Variants in LYST observed in about 807,000 individuals in gnomAD.
The protein encoded by LYST is lysosomal trafficking regulator, also known as lysosomal-trafficking regulator.
In LYST, 192 loss-of-function variants were observed where a neutral mutation model predicts 413.6. That is an observed-to-expected ratio of 0.46 (90% CI 0.41 to 0.52). The LOEUF (loss-of-function observed/expected upper bound fraction) is 0.52. Among genes scored for constraint, LYST ranks in the 20% least tolerant of loss-of-function variants. The pLI, the probability that LYST is intolerant of heterozygous loss-of-function variation, is 0.00. For synonymous variants in LYST, 1,525 were observed against 1,567.3 expected (o/e 0.97, Z 0.64); for missense variants, 3,815 against 4,499.9 (o/e 0.85, Z 4.35).
intron 48 of LYST, among the ~76,000 whole-genome samples, chr1:235,683,596 C>A (rs1422588723): frequency 1.1e-4 from 16 of 152,186 alleles, no homozygotes; most frequent in Admixed American, 1.0e-3. Context: ...GTTAGATATG[C>A]TTACTAGCTA....
Position 235,720,715 on chromosome 1 carries a change from A to G in LYST, c.9506T>C (p.Ile3169Thr). Residue 3169 changes from isoleucine (I) to threonine (T), a missense_variant, in exon 40 of 53, where the codon ATA becomes ACA. Around this residue, in one of 4 missense-constraint regions of LYST, gnomAD observed 866 missense variants for 1,156.0 expected, o/e 0.75. Transcript: ENST00000389793. ...TGTCTCACTAACGTAGTCAGCAAGT[A>G]TAAATGGGAACACAGGATACTGCAT... ...DLMQYPVFPF[I>T]LADYVSETLD... 1 of 1,613,840 alleles carries G rather than the reference A, an allele frequency of 6.2e-7. No individual in the cohort carries two copies. Among genetic ancestry groups the G allele is most frequent in the Non-Finnish European group, 8.5e-7 (1 of 1,179,706 alleles).
Position 235,841,609 on chromosome 1 carries a change from A to G in LYST, c.-97-7942T>C, listed in dbSNP as rs565859045. Among the ~76,000 whole-genome samples the G allele has an allele frequency of 2.0e-5, 3 of 152,332 alleles. No individual in the cohort carries two copies. In the East Asian group the frequency reaches 5.8e-4, roughly 29 times the overall value. On this transcript the variant is annotated intron_variant, in intron 1 of 52. Transcript: ENST00000389793. ...CAGCACAAGGGAAGATACTGAAGAC[A>G]GGGGCAAGAGAACGAATGAATGAAG...
chr1:235,837,603 G>A (rs1275618614), intron 1 of LYST, among the ~76,000 whole-genome samples: 1 of 149,118 alleles, frequency 6.7e-6, no homozygotes, highest in Non-Finnish European at 1.5e-5. Flanking sequence ...TACCAGCCTG[G>A]GTAAGAGTGA....
intron 3 of LYST, among the ~76,000 whole-genome samples, chr1:235,814,838 C>A (rs932730905): frequency 2.0e-5 from 3 of 152,160 alleles, no homozygotes; most frequent in Non-Finnish European, 4.4e-5. Context: ...CCCTTCACGG[C>A]AATGATTCCT....
intron 19 of LYST, among the ~76,000 whole-genome samples, chr1:235,773,043 G>A (rs1265095511): frequency 6.6e-6 from 1 of 152,164 alleles, no homozygotes; most frequent in African/African-American, 2.4e-5. Flanking sequence ...CTGGCTGGGG[G>A]TGGTGGCTCA....
intron 44 of LYST, among the ~76,000 whole-genome samples, chr1:235,703,849 C>T (rs904545087): frequency 9.2e-5 from 14 of 152,154 alleles, no homozygotes; most frequent in African/African-American, 3.4e-4. Flanking sequence ...CAGATGATTT[C>T]ATCACCCAGG....
intron 40 of LYST, among the ~76,000 whole-genome samples, chr1:235,717,654 T>A (rs984550508): frequency 1.3e-5 from 2 of 152,180 alleles, no homozygotes; most frequent in African/African-American, 4.8e-5. Context: ...CAGCAAGATT[T>A]GCCTACATTT....
In LYST at chr1:235,848,338, CAAT is replaced by C. The variant is rs1678126482; in HGVS notation, c.-97-14674_-97-14672del. Among the ~76,000 whole-genome samples the C allele has an allele frequency of 2.6e-5, 4 of 152,178 alleles. No individual in the cohort carries two copies. In the South Asian group the frequency reaches 8.3e-4, roughly 32 times the overall value. ...TTAAAAAATTCTTCGAACTGAATGA[CAAT>C]AATGACACAACCTATCAAAACCTCT... On this transcript the variant is annotated intron_variant, in intron 1 of 52. Coordinates refer to ENST00000389793, the MANE Select transcript of LYST (RefSeq NM_000081.4).
At position 235,768,698 on chromosome 1, in the gene LYST, A is replaced by G. The variant is rs12079600; in HGVS notation, c.5922+1462T>C. 7.7e-3 allele frequency among the ~76,000 whole-genome samples: 1,171 copies of G among 152,230 alleles called. 15 individuals carry two copies. Among genetic ancestry groups the G allele is most frequent in the African/African-American group, 0.027 (1,114 of 41,560 alleles). ...GGAAATCTCAAAGTTTATAAGTGCC[A>G]CTTTTCTGACATGCAAAGACTGAAT... On this transcript the variant is annotated intron_variant, in intron 20 of 52. Coordinates refer to ENST00000389793, the MANE Select transcript of LYST (RefSeq NM_000081.4).
At chr1:235,848,735 G>A (rs7522049) in intron 1 of LYST, among the ~76,000 whole-genome samples, 61,950 of 151,764 alleles carry the variant, frequency 0.41, 13,260 homozygotes, top group African/African-American at 0.49. Flanking sequence ...ATCATTCAAG[G>A]CTACTACGAA....
chr1:235,702,638 G>T, intron 45 of LYST, 109 bp downstream of exon 45: 1 of 908,964 alleles, frequency 1.1e-6, no homozygotes, highest in Non-Finnish European at 1.8e-6. Context: ...GCACTGACTG[G>T]CACACAGCTT....
chr1:235,768,082 C>A (rs1377949470), intron 20 of LYST, among the ~76,000 whole-genome samples: 1 of 151,452 alleles, frequency 6.6e-6, no homozygotes, highest in Non-Finnish European at 1.5e-5. Context: ...CACTACGTTT[C>A]TCTGTCTTGG....
At chr1:235,871,344 A>C (rs529632944), upstream of LYST, among the ~76,000 whole-genome samples, 103 of 152,368 alleles carry the variant, frequency 6.8e-4, no homozygotes, top group African/African-American at 2.4e-3. Flanking sequence ...GGATAAAAGC[A>C]AACCTGCTGT....
At position 235,791,706 on chromosome 1, in the gene LYST, A is replaced by G; in HGVS notation, c.4536T>C (p.Asp1512=). 1.2e-6 allele frequency: 2 copies of G among 1,610,218 alleles called. No homozygotes were observed. The highest frequency in any genetic ancestry group is 1.7e-6 in the Non-Finnish European group (2 of 1,177,350). The change falls in exon 12 of 53, where the codon GAT becomes GAC. Residue 1512 remains aspartate (D), a synonymous_variant. Transcript: ENST00000389793. The part of the protein sequence containing the change: ...KSLILPDSSF[D]GTESDRPEGA... ...ATAATCCTGTCATCATACCTGTACC[A>G]TCAAAACTGCTATCTGGTAAAATTA... is the stretch of plus-strand genomic sequence containing the variant.
intron 1 of LYST, among the ~76,000 whole-genome samples, chr1:235,843,002 C>A (rs933632343): frequency 2.6e-5 from 4 of 152,172 alleles, no homozygotes; most frequent in Admixed American, 6.5e-5. Context: ...ACTTTTAGGG[C>A]AGCTCCTCAT....
intron 48 of LYST, among the ~76,000 whole-genome samples, chr1:235,679,807 T>A (rs1258611122): frequency 2.0e-5 from 3 of 152,122 alleles, no homozygotes; most frequent in Non-Finnish European, 4.4e-5. Context: ...CTCTTGGCAC[T>A]CCCCAGCTTG....
rs1274198270 is a variant in LYST, at chr1:235,809,653, A to T, written c.1165T>A (p.Phe389Ile). The T allele has an allele frequency of 1.2e-6, 2 of 1,614,032 alleles. No individual in the cohort carries two copies. Residue 389 changes from phenylalanine (F) to isoleucine (I), a missense_variant, in exon 5 of 53, where the codon TTT becomes ATT. Phe to Ile is a conservative substitution (Grantham distance 21). Around this residue, in one of 4 missense-constraint regions of LYST, gnomAD observed 1,648 missense variants for 1,810.3 expected, o/e 0.91. Transcript: ENST00000389793. This position sits in a 1 kb window ranked among gnomAD's most constrained non-coding sequence, Gnocchi z 4.0. ...KKTLQEVQED[F>I]VFSKYRHRAL... is the part of the protein sequence containing the mutation. Reference sequence around the variant, plus strand: ...CTATGACGATACTTTGAAAACACAAAATCTTCCTGAACCTCCTGCAGTGTT... The same window carrying T: ...CTATGACGATACTTTGAAAACACAATATCTTCCTGAACCTCCTGCAGTGTT...
At position 235,766,155 on chromosome 1, in the gene LYST, G is replaced by A. The variant is rs1355540474; in HGVS notation, c.6045C>T (p.Phe2015=). ...TAGTAGGAGGGTGAACTGCTAAAAGGAAATTGAAGATAATTGTCAATAATT... is the reference window on the plus strand; with the variant it reads ...TAGTAGGAGGGTGAACTGCTAAAAGAAAATTGAAGATAATTGTCAATAATT... ...DLELLTIIFN[F]LLAVHPPTNT... Residue 2015 remains phenylalanine, a synonymous_variant, in exon 21 of 53, where the codon TTC becomes TTT. Transcript: ENST00000389793. 2.5e-6 allele frequency: 4 copies of A among 1,613,392 alleles called. No homozygotes were observed. In the South Asian group the frequency reaches 4.4e-5, roughly 18 times the overall value.
intron 10 of LYST, among the ~76,000 whole-genome samples, chr1:235,799,520 T>G (rs1426475064): frequency 1.3e-5 from 2 of 152,190 alleles, no homozygotes; most frequent in African/African-American, 4.8e-5. Flanking sequence ...TTCTGAGTAT[T>G]CCTGACAAAA....
Sources: allele counts gnomAD v4.1 joint callset (sites outside exome capture counted in the v4.1 genomes callset), GRCh38; gene constraint gnomAD v4.1.1; regional missense constraint gnomAD v4.1.1; non-coding constraint Gnocchi (gnomAD v3.1); transcripts MANE v1.5; gene names NCBI Gene and HGNC (gene_info 2026-07-23, HGNC 2026-07-21).